TBC1D5: variants seen among roughly 807,000 people sequenced by gnomAD.
TBC1D5 encodes TBC1 domain family member 5.
In TBC1D5, 75 loss-of-function variants were observed where a neutral mutation model predicts 100.3. The ratio of observed to expected loss-of-function variants is 0.75; its 90% CI spans 0.62 to 0.91. TBC1D5 has a LOEUF of 0.91. Ranked by LOEUF, TBC1D5 falls within the 40% of genes least tolerant of loss-of-function variation. The pLI is 0.00. For synonymous variants in TBC1D5, 323 were observed against 325.6 expected, an observed-to-expected ratio of 0.99 and a Z score of 0.09; for missense variants, 910 against 942.4, an observed-to-expected ratio of 0.97 and a Z score of 0.45.
At position 17,271,607 on chromosome 3, in the gene TBC1D5, G is replaced by C. The variant is rs1226130326; in HGVS notation, c.1246-13016C>G. 3.9e-5 allele frequency among the ~76,000 whole-genome samples: 6 copies of C among 152,196 alleles called. No homozygotes were observed. In the South Asian group the frequency reaches 1.2e-3, roughly 32 times the overall value. ...TGGAAGCCATTTATTCCATTCTCTT[G>C]CCTGACTGCTTTGGCTAGGACTTCC... On this transcript the variant is annotated intron_variant, in intron 15 of 21. Transcript: ENST00000253692.
chr3:17,302,528 A>C (rs1461820243), intron 14 of TBC1D5, among the ~76,000 whole-genome samples: 1 of 152,210 alleles, frequency 6.6e-6, no homozygotes, highest in Non-Finnish European at 1.5e-5. Flanking sequence ...GTACCTACAA[A>C]ATCAGAATTT....
At chr3:17,190,683 G>A (rs568965931) in intron 18 of TBC1D5, among the ~76,000 whole-genome samples, 2 of 152,286 alleles carry the variant, frequency 1.3e-5, no homozygotes, top group African/African-American at 4.8e-5. Flanking sequence ...TTATTATACA[G>A]GCTGCAGTGG....
chr3:17,203,695 C>G (rs891011874), intron 18 of TBC1D5, among the ~76,000 whole-genome samples: 2 of 152,168 alleles, frequency 1.3e-5, no homozygotes, highest in Admixed American at 1.3e-4. Context: ...ACCACCTCCC[C>G]CTTCAATCTC....
intron 1 of TBC1D5, among the ~76,000 whole-genome samples, chr3:17,669,326 A>C (rs2067658398): frequency 6.6e-6 from 1 of 152,200 alleles, no homozygotes; most frequent in Non-Finnish European, 1.5e-5. Flanking sequence ...ACCCAGTCTC[A>C]GGCAGTTCTT....
intron 1 of TBC1D5, among the ~76,000 whole-genome samples, chr3:17,642,247 C>T (rs1340835572): frequency 6.6e-6 from 1 of 152,056 alleles, no homozygotes; most frequent in Non-Finnish European, 1.5e-5. Context: ...GTACTTGGCA[C>T]ACCTCCAGGA....
At chr3:17,667,264 G>A (rs145255144) in intron 1 of TBC1D5, among the ~76,000 whole-genome samples, 117 of 152,176 alleles carry the variant, frequency 7.7e-4, no homozygotes, top group African/African-American at 2.7e-3. Context: ...CTAACCAAAT[G>A]AAATGCTATA....
intron 13 of TBC1D5, among the ~76,000 whole-genome samples, chr3:17,367,981 GA>G (rs1198138427): frequency 7.5e-6 from 1 of 134,168 alleles, no homozygotes; most frequent in Middle Eastern, 3.5e-3. Context: ...TTACCTTTAG[GA>G]TATATTATTT....
At chr3:17,447,728 C>A (rs1026766400) in intron 3 of TBC1D5, among the ~76,000 whole-genome samples, 1 of 152,192 alleles carries the variant, frequency 6.6e-6, no homozygotes, top group African/African-American at 2.4e-5. Flanking sequence ...GTAGAATAAA[C>A]ATGTCAGTCA....
intron 3 of TBC1D5, among the ~76,000 whole-genome samples, chr3:17,494,875 T>C (rs997598683): frequency 6.6e-6 from 1 of 152,228 alleles, no homozygotes; most frequent in African/African-American, 2.4e-5. Context: ...CACAGCTCCG[T>C]GCTTGGGACC....
chr3:17,315,494 C>T (rs576033028), intron 13 of TBC1D5, among the ~76,000 whole-genome samples: 1 of 152,302 alleles, frequency 6.6e-6, no homozygotes, highest in South Asian at 2.1e-4. Flanking sequence ...AACCATTCTA[C>T]GTCTAAGGTT....
chr3:17,209,322 A>C (rs76697713), intron 18 of TBC1D5, among the ~76,000 whole-genome samples: 14,105 of 152,132 alleles, frequency 0.093, 704 homozygotes, highest in African/African-American at 0.12. Flanking sequence ...AATTAAAAAC[A>C]AATTTTTTTT....
intron 1 of TBC1D5, among the ~76,000 whole-genome samples, chr3:17,654,733 T>C (rs560005703): frequency 2.8e-4 from 43 of 152,268 alleles, no homozygotes; most frequent in African/African-American, 1.0e-3. Context: ...TCAGAAGGAA[T>C]GGTACCAGTT....
chr3:17,318,713 G>C (rs936546451), intron 13 of TBC1D5, among the ~76,000 whole-genome samples: 3 of 152,092 alleles, frequency 2.0e-5, no homozygotes, highest in Admixed American at 2.0e-4. Context: ...AATTTCCAAA[G>C]GATAGTTAAT....
intron 1 of TBC1D5, chr3:17,706,042 T>C: frequency 6.4e-7 from 1 of 1,570,646 alleles, no homozygotes; most frequent in South Asian, 1.2e-5. Context: ...ACCATGTTCT[T>C]TAAGGTGGGA....
chr3:17,467,723 A>AAAG (rs2095324309), intron 3 of TBC1D5, among the ~76,000 whole-genome samples: 1 of 151,486 alleles, frequency 6.6e-6, no homozygotes, highest in Non-Finnish European at 1.5e-5. Context: ...AAAAATACAA[A>AAAG]AATAATAATA....
intron 3 of TBC1D5, among the ~76,000 whole-genome samples, chr3:17,505,581 A>C (rs1408225193): frequency 1.3e-5 from 2 of 152,212 alleles, no homozygotes; most frequent in African/African-American, 4.8e-5. Context: ...ATCTCTTATA[A>C]GCTTGTGAAA....
chr3:17,590,809 T>G (rs988101354), intron 2 of TBC1D5, among the ~76,000 whole-genome samples: 6 of 152,132 alleles, frequency 3.9e-5, no homozygotes, highest in Admixed American at 3.9e-4. Flanking sequence ...CTGATTCACG[T>G]AGAGCTTTGG....
At chr3:17,580,695 A>C (rs1234355107) in intron 2 of TBC1D5, among the ~76,000 whole-genome samples, 1 of 152,054 alleles carries the variant, frequency 6.6e-6, no homozygotes, top group East Asian at 1.9e-4. Context: ...TTAAGCTGCC[A>C]CCTGTTTCTC....
intron 15 of TBC1D5, among the ~76,000 whole-genome samples, chr3:17,259,823 G>T (rs1400041921): frequency 1.3e-5 from 2 of 152,134 alleles, no homozygotes; most frequent in Non-Finnish European, 2.9e-5. Flanking sequence ...CTGCTGAAAG[G>T]AGAATATTTA....
Sources: gnomAD v4.1 joint callset for allele counts (sites outside exome capture counted in the v4.1 genomes callset) on GRCh38, gnomAD v4.1.1 for gene constraint, MANE v1.5 for transcripts, NCBI Gene and HGNC (gene_info 2026-07-23, HGNC 2026-07-21) for gene names.